Variants in SLC4A10 observed in about 807,000 individuals in gnomAD.
The protein encoded by SLC4A10 is solute carrier family 4 member 10.
SLC4A10 carries 42 observed loss-of-function variants against 137.7 expected under a neutral mutation model. That is an observed-to-expected ratio of 0.30 (90% CI 0.24 to 0.39). The LOEUF (loss-of-function observed/expected upper bound fraction) is 0.39. Ranked by LOEUF, SLC4A10 falls within the 10% of genes least tolerant of loss-of-function variation. The pLI is 1.00. For missense variants in SLC4A10, 925 were observed against 1,355.0 expected, an observed-to-expected ratio of 0.68 and a Z score of 4.98; for synonymous variants, 474 against 464.1, an observed-to-expected ratio of 1.02 and a Z score of -0.27.
intron 8 of SLC4A10, 56 bp from the exon 9 acceptor site, chr2:161,879,072 TATG>T: frequency 1.3e-6 from 2 of 1,523,302 alleles, no homozygotes; most frequent in African/African-American, 2.7e-5. Flanking sequence ...TGTGCAAGAA[TATG>T]ATTTACCAGA....
At chr2:161,888,002 C>T (rs901435492) in intron 10 of SLC4A10, among the ~76,000 whole-genome samples, 1 of 152,074 alleles carries the variant, frequency 6.6e-6, no homozygotes. Context: ...GGAAGGGGTC[C>T]AGTTTCTGTT....
intron 23 of SLC4A10, among the ~76,000 whole-genome samples, chr2:161,967,442 C>T (rs75235959): frequency 0.048 from 7,298 of 152,188 alleles, 219 homozygotes; most frequent in South Asian, 0.078. Flanking sequence ...ATCAAGTATA[C>T]GATAATCACA....
At chr2:161,888,901 G>A (rs1475388386) in intron 10 of SLC4A10, among the ~76,000 whole-genome samples, 1 of 152,118 alleles carries the variant, frequency 6.6e-6, no homozygotes, top group Admixed American at 6.5e-5. Flanking sequence ...TGCCTATTCA[G>A]TATGATATTG....
intron 1 of SLC4A10, among the ~76,000 whole-genome samples, chr2:161,748,105 A>G (rs1035300735): frequency 1.3e-5 from 2 of 152,084 alleles, no homozygotes; most frequent in African/African-American, 4.8e-5. Context: ...TCATTTTAAA[A>G]TTGAGTTATT....
intron 15 of SLC4A10, among the ~76,000 whole-genome samples, chr2:161,930,293 C>G (rs1198803697): frequency 2.6e-5 from 4 of 152,028 alleles, no homozygotes; most frequent in Non-Finnish European, 5.9e-5. Flanking sequence ...TCTTCATTTT[C>G]TTTAAACAGA....
chr2:161,929,135 A>C (rs1009930652), intron 15 of SLC4A10, among the ~76,000 whole-genome samples: 1 of 152,182 alleles, frequency 6.6e-6, no homozygotes, highest in Non-Finnish European at 1.5e-5. Context: ...ATTTGTTAGC[A>C]ACCAAAAAAA....
At chr2:161,789,532 T>C (rs952925765) in intron 2 of SLC4A10, among the ~76,000 whole-genome samples, 2 of 151,882 alleles carry the variant, frequency 1.3e-5, no homozygotes, top group Non-Finnish European at 1.5e-5. Flanking sequence ...AAAAAAAAGC[T>C]ACATTAAAGT....
chr2:161,695,976 A>T (rs1324885276), intron 1 of SLC4A10, among the ~76,000 whole-genome samples: 1 of 151,896 alleles, frequency 6.6e-6, no homozygotes, highest in Non-Finnish European at 1.5e-5. Flanking sequence ...GGTTTGTTAC[A>T]TATGTATACA....
intron 1 of SLC4A10, among the ~76,000 whole-genome samples, chr2:161,747,702 A>G (rs1197666448): frequency 1.3e-5 from 2 of 152,068 alleles, no homozygotes; most frequent in African/African-American, 4.8e-5. Flanking sequence ...TTTCTATCAC[A>G]AAACACTTAA....
chr2:161,918,259 G>T (rs1687485439), intron 15 of SLC4A10, among the ~76,000 whole-genome samples: 1 of 152,090 alleles, frequency 6.6e-6, no homozygotes, highest in Non-Finnish European at 1.5e-5. Flanking sequence ...GGGCTCAAGT[G>T]ATTCTCCTGT....
rs76306881 is a variant in SLC4A10, at chr2:161,942,023, G to A, written c.1998-769G>A. On this transcript the variant is annotated intron_variant, in intron 15 of 26. Transcript: ENST00000446997. ...GTGAAATGAAACAGAGTAAGTTCCT[G>A]ATGTAGAAGGCAGAAGGGAGACTGT... is the stretch of plus-strand genomic sequence containing the variant. Among the ~76,000 whole-genome samples, 34 of 152,266 alleles carry A rather than the reference G, an allele frequency of 2.2e-4. 1 individual carries two copies. In the East Asian group the frequency reaches 6.6e-3, roughly 29 times the overall value.
Position 161,800,602 on chromosome 2 carries a change from G to T in SLC4A10, c.131-3847G>T, listed in dbSNP as rs558738807. 3.3e-5 allele frequency among the ~76,000 whole-genome samples: 5 copies of T among 152,094 alleles called. No homozygotes were observed. The South Asian group carries it at 1.0e-3, about 32-fold the overall frequency. On this transcript the variant is annotated intron_variant, in intron 2 of 26. Transcript: ENST00000446997. ...AGACTAAAGTTTAAGGAATTGAAAG[G>T]CCAGAATATCAAAAGAATCATCTAT...
At chr2:161,751,146 G>A (rs1222539621) in intron 1 of SLC4A10, among the ~76,000 whole-genome samples, 1 of 151,654 alleles carries the variant, frequency 6.6e-6, no homozygotes, top group Non-Finnish European at 1.5e-5. Flanking sequence ...CATGCGGTTG[G>A]ATCTTGCTTA....
chr2:161,873,045 A>G (rs901148445), intron 7 of SLC4A10, among the ~76,000 whole-genome samples: 14 of 152,152 alleles, frequency 9.2e-5, no homozygotes, highest in Non-Finnish European at 1.6e-4. Flanking sequence ...AACTTTGGCT[A>G]GTTTGTGTTC....
intron 5 of SLC4A10, among the ~76,000 whole-genome samples, chr2:161,857,269 A>G (rs1559399485): frequency 6.6e-6 from 1 of 152,174 alleles, no homozygotes; most frequent in Non-Finnish European, 1.5e-5. Flanking sequence ...CTACCCTTAC[A>G]GTGAAAGTAG....
rs571520396 is a variant in SLC4A10 at position 161,681,508 on chromosome 2, A to G, written c.48+56942A>G. ...ATACATTTTCTAATCCTAAATTTCT[A>G]TGTTCCAAAACATGGATAACTTTTC... On this transcript the variant is annotated intron_variant, in intron 1 of 26. Coordinates refer to ENST00000446997, the MANE Select transcript of SLC4A10 (RefSeq NM_001178015.2). Among the ~76,000 whole-genome samples, 4 of 152,214 alleles carry G rather than the reference A, an allele frequency of 2.6e-5. No homozygotes were observed. The South Asian group carries it at 8.3e-4, about 32-fold the overall frequency.
chr2:161,846,117 A>G (rs2059476695), intron 4 of SLC4A10, among the ~76,000 whole-genome samples: 2 of 152,140 alleles, frequency 1.3e-5, no homozygotes, highest in Non-Finnish European at 2.9e-5. Flanking sequence ...AGAACTCTCA[A>G]AGTTCAACAG....
chr2:161,779,708 T>A (rs1188622840), intron 2 of SLC4A10, among the ~76,000 whole-genome samples: 2 of 152,038 alleles, frequency 1.3e-5, no homozygotes, highest in Non-Finnish European at 2.9e-5. Context: ...TCTAAAATCT[T>A]ATGCCAAGGA....
intron 15 of SLC4A10, among the ~76,000 whole-genome samples, chr2:161,933,532 A>G (rs1285902510): frequency 1.3e-5 from 2 of 152,046 alleles, no homozygotes; most frequent in Non-Finnish European, 2.9e-5. Context: ...AACTAGGACA[A>G]CATGCACATG....
Sources: allele counts gnomAD v4.1 joint callset (sites outside exome capture counted in the v4.1 genomes callset), GRCh38; gene constraint gnomAD v4.1.1; transcripts MANE v1.5; gene names NCBI Gene and HGNC (gene_info 2026-07-23, HGNC 2026-07-21).